Variants in GPM6B observed in about 807,000 individuals in gnomAD.
GPM6B encodes neuronal membrane glycoprotein M6-b.
Under a neutral mutation model 27.2 loss-of-function variants are expected in GPM6B, and 4 were observed. That is an observed-to-expected ratio of 0.15 (90% CI 0.07 to 0.34). The LOEUF (loss-of-function observed/expected upper bound fraction) is 0.34. GPM6B is among the 10% of genes least tolerant of loss of function. The probability of loss-of-function intolerance (pLI) is 1.00; values close to 1 mark genes in which losing one functional copy is unlikely to be tolerated. For missense variants in GPM6B, 183 were observed against 261.9 expected, an observed-to-expected ratio of 0.70 and a Z score of 2.08; for synonymous variants, 124 against 103.1, an observed-to-expected ratio of 1.20 and a Z score of -1.23.
chrX:13,884,836 G>A (rs184905860), intron 1 of GPM6B, among the ~76,000 whole-genome samples: 1 of 111,910 alleles, frequency 8.9e-6, no homozygotes, highest in Non-Finnish European at 1.9e-5. Flanking sequence ...GCAAATAAAT[G>A]TGACAGAAGG....
chrX:13,838,286 A>C (rs188442581), intron 1 of GPM6B, among the ~76,000 whole-genome samples: 1 of 112,231 alleles, frequency 8.9e-6, no homozygotes, highest in African/African-American at 3.2e-5. Flanking sequence ...TGGAGCTAGC[A>C]AAACAGACTG....
chrX:13,823,407 G>A (rs188584132), intron 1 of GPM6B, among the ~76,000 whole-genome samples: 58 of 112,022 alleles, frequency 5.2e-4, no homozygotes, highest in African/African-American at 1.8e-3. Flanking sequence ...GACTGTCAGT[G>A]TCCTCATTAG....
intron 2 of GPM6B, 52 bp from the exon 3 acceptor site, chrX:13,785,860 T>G (rs760599683): frequency 4.2e-6 from 4 of 963,636 alleles, no homozygotes; most frequent in Non-Finnish European, 5.8e-6. Flanking sequence ...ACACCTCTGG[T>G]CTTCAAGAAT....
intron 1 of GPM6B, among the ~76,000 whole-genome samples, chrX:13,874,009 GA>G (rs1441534948): frequency 9.0e-6 from 1 of 111,026 alleles, no homozygotes; most frequent in Non-Finnish European, 1.9e-5. Flanking sequence ...AATAACACGA[GA>G]ATACTTAATA....
intron 1 of GPM6B, among the ~76,000 whole-genome samples, chrX:13,831,740 C>A (rs1306430706): frequency 8.9e-6 from 1 of 111,873 alleles, no homozygotes; most frequent in Non-Finnish European, 1.9e-5. Flanking sequence ...TCTTACTAAC[C>A]TGTGCCCTTC....
intron 1 of GPM6B, chrX:13,889,028 T>C (rs949953142): frequency 2.7e-5 from 3 of 111,595 alleles, no homozygotes; most frequent in African/African-American, 9.8e-5. Context: ...AGTTACACGG[T>C]GGTTTTCCGT....
At chrX:13,789,717 G>A (rs1309157297) in intron 2 of GPM6B, among the ~76,000 whole-genome samples, 2 of 111,636 alleles carry the variant, frequency 1.8e-5, no homozygotes, top group Non-Finnish European at 3.8e-5. Context: ...GGAGGGTGCA[G>A]TGAGCCGAGA....
At chrX:13,841,031 T>A (rs1379255463) in intron 1 of GPM6B, among the ~76,000 whole-genome samples, 1 of 112,368 alleles carries the variant, frequency 8.9e-6, no homozygotes, top group African/African-American at 3.2e-5. Context: ...TATACATGCA[T>A]AAGGCATACC....
At position 13,854,982 on chromosome X, in the gene GPM6B, C is replaced by T. The variant is rs1031947323; in HGVS notation, c.-197-69174G>A. On this transcript the variant is annotated intron_variant, in intron 1 of 6. Coordinates refer to the GPM6B transcript ENST00000398361. ...GATATAACCATGTAGCCAGGTAGAG[C>T]CCCCCTTGTGTCCCTAATACTTCCC... 3.7e-5 allele frequency among the ~76,000 whole-genome samples: 4 copies of T among 108,414 alleles called. No individual in the cohort carries two copies. The South Asian group carries it at 1.6e-3, about 44-fold the overall frequency. 94.1% of individuals were successfully genotyped at this position (108,414 alleles called of 115,157 possible). A position where few individuals can be genotyped will look rare whatever the true frequency, so the allele number is the denominator to read the frequency against.
chrX:13,846,714 C>T (rs1603075115), intron 1 of GPM6B, among the ~76,000 whole-genome samples: 1 of 106,965 alleles, frequency 9.3e-6, no homozygotes, highest in South Asian at 4.2e-4. Flanking sequence ...AGGATGGACT[C>T]GATCTCCTGA....
intron 1 of GPM6B, among the ~76,000 whole-genome samples, chrX:13,842,833 G>A (rs2049595139): frequency 8.9e-6 from 1 of 111,756 alleles, no homozygotes; most frequent in Admixed American, 9.5e-5. Flanking sequence ...TGAGTCAATG[G>A]ACACAGCATA....
chrX:13,870,329 G>A (rs1399262926), intron 1 of GPM6B, among the ~76,000 whole-genome samples: 1 of 112,401 alleles, frequency 8.9e-6, no homozygotes, highest in East Asian at 2.8e-4. Context: ...AGTCTCTAAG[G>A]CAATGATGTT....
At chrX:13,860,144 G>A (rs1054006027) in intron 1 of GPM6B, among the ~76,000 whole-genome samples, 1 of 112,121 alleles carries the variant, frequency 8.9e-6, no homozygotes, top group African/African-American at 3.2e-5. Flanking sequence ...TTGGCCAGGC[G>A]GCTTTTACAC....
intron 1 of GPM6B, among the ~76,000 whole-genome samples, chrX:13,922,344 ACTGTCC>A (rs1447031909): frequency 4.5e-5 from 5 of 111,377 alleles, no homozygotes; most frequent in African/African-American, 1.6e-4. Flanking sequence ...GACATTGCCA[ACTGTCC>A]CTTGAGGGGG....
At chrX:13,854,133 C>CG (rs2049753173) in intron 1 of GPM6B, among the ~76,000 whole-genome samples, 1 of 111,728 alleles carries the variant, frequency 9.0e-6, no homozygotes, top group Non-Finnish European at 1.9e-5. Flanking sequence ...CTTGGGGTGA[C>CG]AAGTTCTGTT....
At chrX:13,932,838 AAAAGT>A (rs1423174928) in intron 1 of GPM6B, among the ~76,000 whole-genome samples, 1 of 111,816 alleles carries the variant, frequency 8.9e-6, no homozygotes, top group Non-Finnish European at 1.9e-5. Flanking sequence ...CCAGAGAAAG[AAAAGT>A]ATTTTATAGC....
At chrX:13,823,105 T>C (rs907259444) in intron 1 of GPM6B, among the ~76,000 whole-genome samples, 12 of 112,902 alleles carry the variant, frequency 1.1e-4, no homozygotes, top group African/African-American at 3.9e-4. Context: ...TTTTTCTTCT[T>C]GTATTTTCTG....
chrX:13,813,207 T>C (rs1293111065), intron 1 of GPM6B, among the ~76,000 whole-genome samples: 3 of 111,228 alleles, frequency 2.7e-5, no homozygotes, highest in African/African-American at 9.8e-5. Flanking sequence ...AAGTCGTATA[T>C]TCTAGAGGAG....
At chrX:13,893,411 CAAA>C (rs34524225) in intron 1 of GPM6B, among the ~76,000 whole-genome samples, 2 of 100,580 alleles carry the variant, frequency 2.0e-5, no homozygotes, top group African/African-American at 7.1e-5. Flanking sequence ...ACTGAATCTA[CAAA>C]AAAAAAAAAA....
Sources: allele counts gnomAD v4.1 joint callset (sites outside exome capture counted in the v4.1 genomes callset), GRCh38; gene constraint gnomAD v4.1.1; transcripts MANE v1.5; gene names NCBI Gene and HGNC (gene_info 2026-07-23, HGNC 2026-07-21).